LYPLAL1: variants seen among roughly 807,000 people sequenced by gnomAD.
LYPLAL1 encodes lysophospholipase-like protein 1.
LYPLAL1 carries 23 observed loss-of-function variants against 19.7 expected under a neutral mutation model. The observed-to-expected ratio is 1.17, with a 90% CI of 0.84 to 1.65. LYPLAL1 has a LOEUF of 1.65. Among genes scored for constraint, LYPLAL1 ranks in the 40% most tolerant of loss-of-function variants. The pLI is 0.00. For missense variants in LYPLAL1, 355 were observed against 279.4 expected (o/e 1.27, Z -1.93); for synonymous variants, 119 against 96.3 (o/e 1.24, Z -1.38).
At chr1:219,368,230 C>A in the LYPLAL1 span, among the ~76,000 whole-genome samples, 1 of 152,262 alleles carries the variant, frequency 6.6e-6, no homozygotes, top group East Asian at 1.9e-4. Flanking sequence ...TTTCTTCTTA[C>A]CTTTCTGTGC....
chr1:219,274,704 T>C, the LYPLAL1 span, among the ~76,000 whole-genome samples: 1 of 152,240 alleles, frequency 6.6e-6, no homozygotes, highest in Admixed American at 6.5e-5. Context: ...TTTTTAGAAT[T>C]GAAGTGGTAT....
At chr1:219,360,538 GA>G in the LYPLAL1 span, among the ~76,000 whole-genome samples, 1 of 152,186 alleles carries the variant, frequency 6.6e-6, no homozygotes, top group East Asian at 1.9e-4. Context: ...CCAACTTGCA[GA>G]AAAGTCCCTG....
chr1:219,219,460 A>G, the LYPLAL1 span, among the ~76,000 whole-genome samples: 3 of 152,186 alleles, frequency 2.0e-5, no homozygotes, highest in Admixed American at 2.0e-4. Context: ...AACAGGACCA[A>G]TATCAGTCAC....
the LYPLAL1 span, among the ~76,000 whole-genome samples, chr1:219,342,383 G>T: frequency 6.6e-6 from 1 of 152,056 alleles, no homozygotes; most frequent in Admixed American, 6.6e-5. Flanking sequence ...TTAGCTCAAG[G>T]TTTCTCTCTT....
chr1:219,262,873 T>C, the LYPLAL1 span, among the ~76,000 whole-genome samples: 1 of 152,232 alleles, frequency 6.6e-6, no homozygotes, highest in Non-Finnish European at 1.5e-5. Flanking sequence ...AGCCAGGACG[T>C]TGCAGGCAGA....
At chr1:219,269,841 A>C in the LYPLAL1 span, among the ~76,000 whole-genome samples, 1 of 152,236 alleles carries the variant, frequency 6.6e-6, no homozygotes, top group Non-Finnish European at 1.5e-5. Flanking sequence ...TCATTTTCTA[A>C]ATATATTCTT....
At chr1:219,264,048 C>T in the LYPLAL1 span, among the ~76,000 whole-genome samples, 3 of 152,186 alleles carry the variant, frequency 2.0e-5, no homozygotes, top group South Asian at 2.1e-4. Context: ...TCCTGTCTCC[C>T]ATCTGCCATT....
chr1:219,330,019 A>C, the LYPLAL1 span, among the ~76,000 whole-genome samples: 32 of 152,272 alleles, frequency 2.1e-4, no homozygotes, highest in African/African-American at 7.2e-4. Context: ...TTTACTGTAG[A>C]TCCTCACTGG....
chr1:219,375,260 AG>A, the LYPLAL1 span, among the ~76,000 whole-genome samples: 1 of 152,316 alleles, frequency 6.6e-6, no homozygotes, highest in African/African-American at 2.4e-5. Flanking sequence ...TTAGGTCAGG[AG>A]TTTGAGACCA....
At chr1:219,266,571 A>AC in the LYPLAL1 span, among the ~76,000 whole-genome samples, 1 of 152,184 alleles carries the variant, frequency 6.6e-6, no homozygotes, top group East Asian at 1.9e-4. Context: ...GATAGTAAAT[A>AC]CAAAAATCAG....
chr1:219,310,266 TG>T, the LYPLAL1 span, among the ~76,000 whole-genome samples: 1 of 152,206 alleles, frequency 6.6e-6, no homozygotes, highest in Non-Finnish European at 1.5e-5. Context: ...TACCTATTTA[TG>T]GGGGTGATGA....
chr1:219,247,340 A>G, the LYPLAL1 span, among the ~76,000 whole-genome samples: 1 of 152,350 alleles, frequency 6.6e-6, no homozygotes, highest in Middle Eastern at 3.4e-3. Flanking sequence ...AAAATCTTAT[A>G]AAGAAACATC....
chr1:219,366,794 A>G, the LYPLAL1 span, among the ~76,000 whole-genome samples: 2 of 152,128 alleles, frequency 1.3e-5, no homozygotes, highest in African/African-American at 2.4e-5. Flanking sequence ...ACATATACTT[A>G]GGACCAATTA....
In LYPLAL1 at chr1:219,211,541, G is replaced by A. The variant is rs376755404; in HGVS notation, c.527G>A (p.Gly176Asp). 146 of 1,613,012 alleles carry A rather than the reference G, an allele frequency of 9.1e-5. No homozygotes were observed. The highest frequency in any genetic ancestry group is 1.0e-4 in the Non-Finnish European group (119 of 1,179,380). ...GVLPELFQCH[G>D]TADELVLHSW... Reference sequence around the variant, plus strand: ...CTTCCTGAATTATTTCAGTGTCATGGTACTGCAGATGAGTTAGTTCTTCAT... The same window carrying A: ...CTTCCTGAATTATTTCAGTGTCATGATACTGCAGATGAGTTAGTTCTTCAT... Residue 176 changes from glycine (G) to aspartate (D), a missense_variant, in exon 5 of 5, where the codon GGT (glycine) becomes GAT (aspartate). Transcript: ENST00000366928.
At chr1:219,316,908 G>A in the LYPLAL1 span, among the ~76,000 whole-genome samples, 4 of 152,052 alleles carry the variant, frequency 2.6e-5, no homozygotes, top group Non-Finnish European at 4.4e-5. Flanking sequence ...GAAATGGGGA[G>A]TTACAGTTTA....
chr1:219,339,915 G>A, the LYPLAL1 span, among the ~76,000 whole-genome samples: 1 of 151,944 alleles, frequency 6.6e-6, no homozygotes, highest in Non-Finnish European at 1.5e-5. Flanking sequence ...ATATTGGCAA[G>A]AACTTGAGCT....
the LYPLAL1 span, among the ~76,000 whole-genome samples, chr1:219,368,425 A>T: frequency 3.3e-5 from 5 of 152,184 alleles, no homozygotes; most frequent in Admixed American, 2.6e-4. Flanking sequence ...CTTGGCCAGA[A>T]TAACATCCAT....
the LYPLAL1 span, among the ~76,000 whole-genome samples, chr1:219,333,668 C>T: frequency 6.6e-6 from 1 of 151,992 alleles, no homozygotes; most frequent in South Asian, 2.1e-4. Context: ...TTTAAAATTA[C>T]AGAAAGAACA....
chr1:219,444,428 C>A, the LYPLAL1 span, among the ~76,000 whole-genome samples: 1 of 152,184 alleles, frequency 6.6e-6, no homozygotes, highest in South Asian at 2.1e-4. Flanking sequence ...AAAATATTTA[C>A]CTCCCTCCCT....
Sources: allele counts gnomAD v4.1 joint callset (sites outside exome capture counted in the v4.1 genomes callset), GRCh38; gene constraint gnomAD v4.1.1; transcripts MANE v1.5; gene names NCBI Gene and HGNC (gene_info 2026-07-23, HGNC 2026-07-21).